LUZP2: variants seen among roughly 807,000 people sequenced by gnomAD.
The protein encoded by LUZP2 is leucine zipper protein 2.
Under a neutral mutation model 51.6 loss-of-function variants are expected in LUZP2, and 52 were observed. That is an observed-to-expected ratio of 1.01 (90% CI 0.81 to 1.27). The LOEUF is 1.27. Among genes scored for constraint, LUZP2 ranks in the 50% most tolerant of loss-of-function variants. The probability of loss-of-function intolerance (pLI) is 0.00; values close to 1 mark genes in which losing one functional copy is unlikely to be tolerated. For missense variants in LUZP2, 436 were observed against 395.4 expected, an observed-to-expected ratio of 1.10 and a Z score of -0.87; for synonymous variants, 154 against 137.3, an observed-to-expected ratio of 1.12 and a Z score of -0.85.
At position 25,080,253 on chromosome 11, in the gene LUZP2, T is replaced by G. The variant is rs1417081525; in HGVS notation, c.*1595T>G. On this transcript the variant is annotated 3_prime_UTR_variant, in exon 12 of 12. Coordinates refer to ENST00000336930, the MANE Select transcript of LUZP2 (RefSeq NM_001009909.4). The stretch of plus-strand genomic sequence containing the variant: ...CATGGTCCATGAAATATTCAACACT[T>G]TATTATAAAATAGGGTTTGTGTTAG... 1 of 152,172 alleles carries G rather than the reference T, an allele frequency of 6.6e-6. No homozygotes were observed. Among genetic ancestry groups the G allele is most frequent in the Non-Finnish European group, 1.5e-5 (1 of 68,026 alleles). 9.4% of individuals were successfully genotyped at this position (152,172 alleles called of 1,614,324 possible).
rs1163275640 is a variant in LUZP2, at chr11:24,551,718, C to A, written c.62+54413C>A. On this transcript the variant is annotated intron_variant, in intron 1 of 11. Coordinates refer to ENST00000336930, the MANE Select transcript of LUZP2 (RefSeq NM_001009909.4). ...TATAGAGGAAAATCAAAGAAACAAA[C>A]CTAAAATATAATAAAGGTATGGAAG... Among the ~76,000 whole-genome samples, 3 of 151,480 alleles carry A rather than the reference C, an allele frequency of 2.0e-5. No homozygotes were observed. In the Admixed American group the frequency reaches 2.0e-4, roughly 10 times the overall value.
At chr11:25,025,596 C>G (rs997605443) in intron 9 of LUZP2, among the ~76,000 whole-genome samples, 2 of 152,110 alleles carry the variant, frequency 1.3e-5, no homozygotes, top group African/African-American at 4.8e-5. Context: ...CAATGAGATA[C>G]CATCTCACAC....
chr11:24,786,545 T>G, intron 5 of LUZP2: 1 of 499,804 alleles, frequency 2.0e-6, no homozygotes, highest in Middle Eastern at 9.9e-4. Context: ...ATATATAATA[T>G]ATAAACAGGT....
chr11:24,664,636 C>G (rs913225247), intron 1 of LUZP2, among the ~76,000 whole-genome samples: 2 of 152,148 alleles, frequency 1.3e-5, no homozygotes, highest in Non-Finnish European at 2.9e-5. Context: ...ACATGGTGCC[C>G]TGAATCCCAA....
chr11:24,769,708 G>A (rs1860333949), intron 5 of LUZP2, among the ~76,000 whole-genome samples: 1 of 131,366 alleles, frequency 7.6e-6, no homozygotes, highest in African/African-American at 3.7e-5. Context: ...TTTTTTTTTG[G>A]GATTATAATT....
intron 9 of LUZP2, among the ~76,000 whole-genome samples, chr11:25,008,946 T>G (rs546566415): frequency 2.0e-5 from 3 of 152,320 alleles, no homozygotes; most frequent in African/African-American, 7.2e-5. Flanking sequence ...TGGAACTGGC[T>G]GCTCAACTTT....
intron 10 of LUZP2, 56 bp from the exon 11 acceptor site, chr11:25,077,273 C>G (rs955256763): frequency 2.6e-5 from 33 of 1,275,528 alleles, no homozygotes; most frequent in Admixed American, 8.5e-5. Context: ...TTTGACTCCC[C>G]CCTCCACTTT....
chr11:24,603,969 G>C (rs931310509), intron 1 of LUZP2, among the ~76,000 whole-genome samples: 3 of 150,826 alleles, frequency 2.0e-5, no homozygotes, highest in African/African-American at 7.3e-5. Context: ...AAAATTTTAG[G>C]GTAAGATTCA....
chr11:24,967,092 A>T lies in LUZP2; in HGVS notation c.523-9499A>T, dbSNP rs1040564287. 2.0e-5 allele frequency among the ~76,000 whole-genome samples: 3 copies of T among 151,876 alleles called. No individual in the cohort carries two copies. The East Asian group carries it at 5.8e-4, about 29-fold the overall frequency. On this transcript the variant is annotated intron_variant, in intron 7 of 11. Transcript: ENST00000336930. ...TCCATTGTCATATATGTCTATGCTT[A>T]TGCCAACAACACACTGCTATTAATA...
chr11:24,700,794 T>C (rs1328922305), intron 1 of LUZP2, among the ~76,000 whole-genome samples: 1 of 152,034 alleles, frequency 6.6e-6, no homozygotes, highest in Non-Finnish European at 1.5e-5. Flanking sequence ...TTATAATCAG[T>C]GGGGGCACTA....
intron 9 of LUZP2, among the ~76,000 whole-genome samples, chr11:25,004,586 C>A (rs868003899): frequency 6.6e-6 from 1 of 152,126 alleles, no homozygotes; most frequent in Admixed American, 6.5e-5. Flanking sequence ...AATTGACCCT[C>A]GAGTGATTAG....
At chr11:24,560,362 G>A (rs1269782222) in intron 1 of LUZP2, among the ~76,000 whole-genome samples, 4 of 152,064 alleles carry the variant, frequency 2.6e-5, no homozygotes, top group Non-Finnish European at 4.4e-5. Context: ...TACAAATAAC[G>A]CTTGATGTGA....
At chr11:24,957,998 GAT>G (rs771338101) in intron 7 of LUZP2, among the ~76,000 whole-genome samples, 60 of 152,152 alleles carry the variant, frequency 3.9e-4, no homozygotes, top group Non-Finnish European at 6.5e-4. Flanking sequence ...GAGAATATGC[GAT>G]GTTTGGTTTT....
chr11:24,508,323 A>C (rs1407042441), intron 1 of LUZP2, among the ~76,000 whole-genome samples: 1 of 152,168 alleles, frequency 6.6e-6, no homozygotes, highest in Admixed American at 6.5e-5. Context: ...ATAAATAAGT[A>C]GCCAAAATTT....
intron 10 of LUZP2, among the ~76,000 whole-genome samples, chr11:25,055,207 C>G (rs540320789): frequency 1.3e-5 from 2 of 151,940 alleles, no homozygotes; most frequent in South Asian, 4.2e-4. Flanking sequence ...GACGGGCTTT[C>G]ACCATGCTGG....
At chr11:24,729,351 T>C (rs1478856859) in intron 2 of LUZP2, 65 bp downstream of exon 2, 1 of 799,436 alleles carries the variant, frequency 1.3e-6, no homozygotes, top group East Asian at 2.7e-5. Flanking sequence ...CTGAGTGGAT[T>C]GACATGCATT....
chr11:24,548,284 A>G (rs1851620486), intron 1 of LUZP2, among the ~76,000 whole-genome samples: 1 of 152,104 alleles, frequency 6.6e-6, no homozygotes, highest in African/African-American at 2.4e-5. Context: ...ATAATAACAA[A>G]TACATGGAGT....
chr11:24,654,253 T>C (rs1194744559), intron 1 of LUZP2, among the ~76,000 whole-genome samples: 1 of 152,198 alleles, frequency 6.6e-6, no homozygotes, highest in Non-Finnish European at 1.5e-5. Context: ...AAAATATCCC[T>C]AATATTTGAT....
chr11:24,841,346 G>A (rs1288822038), intron 5 of LUZP2, among the ~76,000 whole-genome samples: 1 of 152,050 alleles, frequency 6.6e-6, no homozygotes. Context: ...CTCTGATCTT[G>A]GACTTTTCAG....
Sources: allele counts gnomAD v4.1 joint callset (sites outside exome capture counted in the v4.1 genomes callset), GRCh38; gene constraint gnomAD v4.1.1; transcripts MANE v1.5; gene names NCBI Gene and HGNC (gene_info 2026-07-23, HGNC 2026-07-21).